The following MDN1 variants were observed in gnomAD, a reference collection of about 807,000 sequenced individuals.
MDN1 encodes midasin.
In MDN1, 266 loss-of-function variants were observed where a neutral mutation model predicts 669.2. The ratio of observed to expected loss-of-function variants is 0.40; its 90% confidence interval spans 0.36 to 0.44. The LOEUF is 0.44. Among genes scored for constraint, MDN1 ranks in the 20% least tolerant of loss-of-function variants. The probability of loss-of-function intolerance (pLI) is 1.00; values close to 1 mark genes in which losing one functional copy is unlikely to be tolerated. For synonymous variants in MDN1, 2,385 were observed against 2,457.1 expected, an observed-to-expected ratio of 0.97 and a Z score of 0.87; for missense variants, 5,940 against 6,754.0, an observed-to-expected ratio of 0.88 and a Z score of 4.22.
At chr6:89,701,505 C>T (rs1191968104) in intron 55 of MDN1, 53 bp downstream of exon 55, 1 of 1,601,568 alleles carries the variant, frequency 6.2e-7, no homozygotes, top group Non-Finnish European at 8.5e-7. Context: ...TCCAAAAGGA[C>T]TTCAGAAGTA....
chr6:89,700,585 C>T (rs1312831231), intron 56 of MDN1, 61 bp downstream of exon 56: 6 of 1,537,452 alleles, frequency 3.9e-6, no homozygotes, highest in African/African-American at 1.4e-5. Flanking sequence ...AACTTATTAA[C>T]TACCAGCAAG....
chr6:89,708,471 G>A, intron 51 of MDN1, 25 bp downstream of exon 51: 1 of 1,612,898 alleles, frequency 6.2e-7, no homozygotes, highest in Non-Finnish European at 8.5e-7. Flanking sequence ...GGCAAACAGT[G>A]CCCAGAGCAG....
intron 43 of MDN1, among the ~76,000 whole-genome samples, chr6:89,717,142 A>AT (rs1158689790): frequency 6.6e-6 from 1 of 152,230 alleles, no homozygotes; most frequent in Non-Finnish European, 1.5e-5. Context: ...TGAAAGTGCT[A>AT]TAACTTCACA....
intron 17 of MDN1, among the ~76,000 whole-genome samples, chr6:89,759,220 G>T (rs1435343404): frequency 6.6e-6 from 1 of 152,138 alleles, no homozygotes; most frequent in African/African-American, 2.4e-5. Flanking sequence ...GGATGGTCAG[G>T]TAAATAGCTT....
chr6:89,815,478 G>T, intron 1 of MDN1: 1 of 311,738 alleles, frequency 3.2e-6, no homozygotes, highest in South Asian at 2.6e-5. Context: ...CCTGGCGGAA[G>T]CTCCCAGGAG....
chr6:89,797,957 G>C (rs1819694209), intron 2 of MDN1: 1 of 167,254 alleles, frequency 6.0e-6, no homozygotes, highest in Admixed American at 6.4e-5. Flanking sequence ...GAGGCAAGTG[G>C]ATCACGAGGT....
chr6:89,787,409 TC>T (rs1819020021), intron 8 of MDN1, among the ~76,000 whole-genome samples: 1 of 152,234 alleles, frequency 6.6e-6, no homozygotes, highest in African/African-American at 2.4e-5. Flanking sequence ...ATTATCACCA[TC>T]ATGGCTAGCC....
chr6:89,673,563 T>C (rs550653922), intron 79 of MDN1, 101 bp from the exon 80 acceptor site: 37 of 1,043,630 alleles, frequency 3.5e-5, no homozygotes, highest in Admixed American at 2.5e-4. Context: ...GTAGAACTCA[T>C]CATAGCTGAA....
chr6:89,707,315 G>T, intron 52 of MDN1, 46 bp downstream of exon 52: 1 of 1,332,194 alleles, frequency 7.5e-7, no homozygotes, highest in Non-Finnish European at 1.1e-6. Flanking sequence ...GCAACATTAT[G>T]CAATCAGATG....
intron 1 of MDN1, among the ~76,000 whole-genome samples, chr6:89,811,092 T>TA (rs1491129067): frequency 6.6e-6 from 1 of 152,352 alleles, no homozygotes; most frequent in East Asian, 1.9e-4. Context: ...GACTTCTAAG[T>TA]ATATTTTTGA....
Position 89,756,750 on chromosome 6 carries a change from G to A in MDN1, c.2703-360C>T, listed in dbSNP as rs148886818. Reference sequence around the variant, plus strand: ...ATCCTGGCTAACATGGTGAAACCCCGTCTCTACTAAAAATACAAGAATTAG... The same window carrying A: ...ATCCTGGCTAACATGGTGAAACCCCATCTCTACTAAAAATACAAGAATTAG... On this transcript the variant is annotated intron_variant, in intron 19 of 101. Coordinates refer to ENST00000369393, the MANE Select transcript of MDN1 (RefSeq NM_014611.3). 6.9e-4 allele frequency among the ~76,000 whole-genome samples: 105 copies of A among 152,032 alleles called. No homozygotes were observed. The Middle Eastern group carries it at 0.024, about 34-fold the overall frequency.
At chr6:89,748,768 T>A (rs1816798416) in intron 26 of MDN1, among the ~76,000 whole-genome samples, 1 of 151,730 alleles carries the variant, frequency 6.6e-6, no homozygotes, top group Non-Finnish European at 1.5e-5. Flanking sequence ...TTAAAAGACC[T>A]CTACTTGAAG....
At chr6:89,749,081 A>C (rs1466693309) in intron 26 of MDN1, 142 bp downstream of exon 26, 1 of 800,828 alleles carries the variant, frequency 1.2e-6, no homozygotes, top group African/African-American at 1.8e-5. Flanking sequence ...ATAAATAATA[A>C]AAAAATTAAA....
intron 2 of MDN1, among the ~76,000 whole-genome samples, chr6:89,798,886 C>T (rs1421302833): frequency 1.3e-5 from 2 of 152,138 alleles, no homozygotes; most frequent in Non-Finnish European, 2.9e-5. Context: ...CCTTTAGCTT[C>T]CTACCATTCT....
chr6:89,716,725 T>G lies in MDN1; in HGVS notation c.6668A>C (p.Glu2223Ala). 1 of 1,614,082 alleles carries G rather than the reference T, an allele frequency of 6.2e-7. No homozygotes were observed. Among genetic ancestry groups the G allele is most frequent in the Non-Finnish European group, 8.5e-7 (1 of 1,179,948 alleles). The change falls in exon 44 of 102, where the codon GAA (glutamate) becomes GCA (alanine). Residue 2223 changes from glutamate to alanine, a missense_variant. By Grantham distance (107) the Glu-to-Ala change is moderately radical. Around this residue, in one of 5 missense-constraint regions of MDN1, gnomAD observed 2,292 missense variants for 2,638.3 expected, o/e 0.87. Coordinates refer to ENST00000369393, the MANE Select transcript of MDN1 (RefSeq NM_014611.3). ...LASGHSHGTF[E>A]WVDSMLVQAL... ...CTGAACCAACATGCTGTCAACCCAT[T>G]CAAATGTGCCATGGCTATGGCCACT...
rs1456745383 is a variant in MDN1 at position 89,658,932 on chromosome 6, C to A, written c.14714-15G>T. 1.3e-6 allele frequency: 2 copies of A among 1,571,172 alleles called. No individual in the cohort carries two copies. Among genetic ancestry groups the A allele is most frequent in the South Asian group, 1.2e-5 (1 of 84,718 alleles). ...AGGATTCTCTTCTGTATAGATACAA[C>A]AAAAAGGAGGAGTGCAGAATTTTTG... On this transcript the variant is annotated splice_polypyrimidine_tract_variant and intron_variant, in intron 88 of 101. Coordinates refer to ENST00000369393, the MANE Select transcript of MDN1 (RefSeq NM_014611.3).
rs762837284 is a variant in MDN1, at chr6:89,674,485, C to T, written c.12866G>A (p.Arg4289His). ...PQDGVQQWTERLQHLAMQCQI... is the reference protein window; with the variant it reads ...PQDGVQQWTEHLQHLAMQCQI... Reference sequence around the variant, plus strand: ...GCACTGCATGGCCAGGTGCTGCAGGCGCTCTGTCCACTGCTGCACGCCATC... The same window carrying T: ...GCACTGCATGGCCAGGTGCTGCAGGTGCTCTGTCCACTGCTGCACGCCATC... The change falls in exon 79 of 102, where the codon CGC becomes CAC. Residue 4289 changes from arginine to histidine, a missense_variant. This residue lies in a region of MDN1 where 2,280 missense variants were observed against 2,576.3 expected (regional missense o/e 0.88). Transcript: ENST00000369393. 6.0e-5 allele frequency: 96 copies of T among 1,612,808 alleles called. No individual in the cohort carries two copies. Among genetic ancestry groups the T allele is most frequent in the Middle Eastern group, 3.4e-4 (2 of 5,940 alleles).
At chr6:89,675,854 A>G in intron 77 of MDN1, 1 of 558,514 alleles carries the variant, frequency 1.8e-6, no homozygotes, top group Non-Finnish European at 3.1e-6. Context: ...CTCAATTTGA[A>G]GTTTTTAATT....
chr6:89,688,016 A>G, intron 67 of MDN1, 62 bp downstream of exon 67: 1 of 1,374,648 alleles, frequency 7.3e-7, no homozygotes, highest in South Asian at 1.2e-5. Context: ...CAAAGGTGCC[A>G]CAAGACGTAT....
Sources: allele counts gnomAD v4.1 joint callset (sites outside exome capture counted in the v4.1 genomes callset), GRCh38; gene constraint gnomAD v4.1.1; regional missense constraint gnomAD v4.1.1; transcripts MANE v1.5; gene names NCBI Gene and HGNC (gene_info 2026-07-23, HGNC 2026-07-21).